DMAC2: variants seen among roughly 807,000 people sequenced by gnomAD.
DMAC2 encodes distal membrane-arm assembly complex protein 2.
A neutral mutation model predicts 29.6 loss-of-function variants in DMAC2; 32 were observed. The observed-to-expected ratio is 1.08, with a 90% confidence interval of 0.81 to 1.45. DMAC2 has a LOEUF of 1.45. Among genes scored for constraint, DMAC2 ranks in the 40% most tolerant of loss-of-function variants. The pLI is 0.00. For synonymous variants in DMAC2, 133 were observed against 137.4 expected (o/e 0.97, Z 0.23); for missense variants, 319 against 340.0 (o/e 0.94, Z 0.49).
At chr19:41,436,804 T>A (rs76078564) in intron 2 of DMAC2, among the ~76,000 whole-genome samples, 4,860 of 152,036 alleles carry the variant, frequency 0.032, 241 homozygotes, top group African/African-American at 0.11. Flanking sequence ...CTGTGAGGGC[T>A]AGGGAGCAGA....
At chr19:41,433,144 T>C (rs2039662546) in intron 5 of DMAC2, 128 bp downstream of exon 5, 6 of 1,012,708 alleles carry the variant, frequency 5.9e-6, no homozygotes, top group Non-Finnish European at 1.4e-6. Flanking sequence ...ATAAATACTC[T>C]AGGTTTGTGA....
At chr19:41,435,007 C>CAAA (rs200031507) in intron 3 of DMAC2, among the ~76,000 whole-genome samples, 4 of 135,206 alleles carry the variant, frequency 3.0e-5, no homozygotes, top group Non-Finnish European at 4.8e-5. Flanking sequence ...ACTCTTGTCT[C>CAAA]AAAAAAAAAA....
rs556471702 is a variant in DMAC2 at position 41,433,079 on chromosome 19, G to A, written c.596+193C>T. The A allele has an allele frequency of 6.2e-6, 4 of 640,858 alleles. No individual in the cohort carries two copies. In the East Asian group the frequency reaches 1.2e-4, roughly 19 times the overall value. 39.7% of individuals were successfully genotyped at this position (640,858 alleles called of 1,614,324 possible). ...CAGTTTTGACTAAAACAAAAAGGAA[G>A]AAAACCAGGAGTCATTTAATTCTTC... On this transcript the variant is annotated intron_variant, in intron 5 of 5. Coordinates refer to ENST00000221943, the MANE Select transcript of DMAC2 (RefSeq NM_018035.3).
chr19:41,437,187 G>A (rs895345979), intron 2 of DMAC2, among the ~76,000 whole-genome samples: 32 of 152,102 alleles, frequency 2.1e-4, no homozygotes, highest in Admixed American at 1.7e-3. Context: ...ATCATCTGAG[G>A]TCAGGATTTC....
intron 3 of DMAC2, among the ~76,000 whole-genome samples, chr19:41,434,179 G>A (rs1164762748): frequency 9.2e-5 from 14 of 151,998 alleles, no homozygotes; most frequent in Non-Finnish European, 1.5e-4. Context: ...AGCTTGCAGT[G>A]AGCCGAGATC....
rs2039543048 is a variant in DMAC2 at position 41,432,177 on chromosome 19, A to G, written c.*54T>C. On this transcript the variant is annotated 3_prime_UTR_variant, in exon 6 of 6. Transcript: ENST00000221943. The stretch of plus-strand genomic sequence containing the variant: ...GAAGCCAGAAGTGTGGTGAGCTACC[A>G]GACATTCCATGCAGCCCGCTGAGAA... 1 of 1,571,184 alleles carries G rather than the reference A, an allele frequency of 6.4e-7. No individual in the cohort carries two copies. The highest frequency in any genetic ancestry group is 1.2e-5 in the South Asian group (1 of 86,514).
Position 41,432,248 on chromosome 19 carries a change from TGGCTGTGTC to T in DMAC2, c.748_756del (p.Asp250_Ala252del), listed in dbSNP as rs782010766. On this transcript the variant is annotated inframe_deletion, in exon 6 of 6. Transcript: ENST00000221943. ...GCTAAAGGCTAGGCAGGGACAGGGC[TGGCTGTGTC>T]CCGAGGCTGCTCCTCCGGCCCTGAC... The T allele has an allele frequency of 6.2e-7, 1 of 1,613,952 alleles. No homozygotes were observed. Among genetic ancestry groups the T allele is most frequent in the South Asian group, 1.1e-5 (1 of 91,080 alleles).
At position 41,431,952 on chromosome 19, in the gene DMAC2, T is replaced by C. The variant is rs1207256922; in HGVS notation, c.*279A>G. The C allele has an allele frequency of 3.3e-5, 17 of 508,392 alleles. No homozygotes were observed. The highest frequency in any genetic ancestry group is 6.0e-5 in the Non-Finnish European group (17 of 281,338). 31.5% of individuals were successfully genotyped at this position (508,392 alleles called of 1,614,324 possible). On this transcript the variant is annotated 3_prime_UTR_variant, in exon 6 of 6. Transcript: ENST00000221943. The stretch of plus-strand genomic sequence containing the variant: ...GAGAAGAGTCTCCTGACAAGGTGAG[T>C]GTGGCTCTCTGCGGCTACTAACAGC...
chr19:41,433,246 T>C, intron 5 of DMAC2, 26 bp downstream of exon 5: 1 of 1,586,122 alleles, frequency 6.3e-7, no homozygotes, highest in Non-Finnish European at 8.6e-7. Flanking sequence ...CCTGGGCATG[T>C]GGCCCAGCCT....
chr19:41,432,349 T>G lies in DMAC2; in HGVS notation c.656A>C (p.Gln219Pro). The change falls in exon 6 of 6, where the codon CAG (glutamine) becomes CCG (proline). Residue 219 changes from glutamine (Q) to proline (P), a missense_variant. Coordinates refer to ENST00000221943, the MANE Select transcript of DMAC2 (RefSeq NM_018035.3). ...GGGCAGCATCTCCTCCACCAATATC[T>G]GAGTGAGGCCAGGGTTGGACACGGC... ...LPAVSNPGLT[Q>P]ILVEEMLPNC... is the part of the protein sequence containing the mutation. 6.2e-7 allele frequency: 1 copy of G among 1,614,078 alleles called. No homozygotes were observed.
At chr19:41,432,568 CGTGTGTGT>C (rs149102482) in intron 5 of DMAC2, 160 bp from the exon 6 acceptor site, 60 of 520,088 alleles carry the variant, frequency 1.2e-4, no homozygotes, top group African/African-American at 8.6e-4. Context: ...ACAGTGTGTG[CGTGTGTGT>C]GTGTGTGTGT....
rs1363672664 is a variant in DMAC2 at position 41,431,473 on chromosome 19, G to A, written c.*758C>T. The stretch of plus-strand genomic sequence containing the variant: ...CCCAGAGAGGTGCCTCAGTGGAGGC[G>A]CTGTGTCTCCTACGCAACTTCTGAG... On this transcript the variant is annotated 3_prime_UTR_variant, in exon 6 of 6. Transcript: ENST00000221943. 1.1e-5 allele frequency: 4 copies of A among 372,658 alleles called. No individual in the cohort carries two copies. The highest frequency in any genetic ancestry group is 3.4e-5 in the Admixed American group (1 of 29,850). The allele number at this position is 372,658 out of a possible 1,614,324, so 23.1% of individuals were successfully genotyped here.
chr19:41,432,113 G>T lies in DMAC2; in HGVS notation c.*118C>A. 8.3e-7 allele frequency: 1 copy of T among 1,204,358 alleles called. No individual in the cohort carries two copies. Among genetic ancestry groups the T allele is most frequent in the Non-Finnish European group, 1.2e-6 (1 of 850,730 alleles). 74.6% of individuals were successfully genotyped at this position (1,204,358 alleles called of 1,614,324 possible). On this transcript the variant is annotated 3_prime_UTR_variant, in exon 6 of 6. Transcript: ENST00000221943. Reference sequence around the variant, plus strand: ...TCACGCTCTCTCCTGTGATTGGCCAGCACCACTCCCCCACCCTGACGTTGA... The same window carrying T: ...TCACGCTCTCTCCTGTGATTGGCCATCACCACTCCCCCACCCTGACGTTGA...
rs1219106162 is a variant in DMAC2, at chr19:41,431,567, A to G, written c.*664T>C. The G allele has an allele frequency of 3.0e-6, 1 of 337,436 alleles. No homozygotes were observed. The highest frequency in any genetic ancestry group is 8.0e-5 in the East Asian group (1 of 12,544). 20.9% of individuals were successfully genotyped at this position (337,436 alleles called of 1,614,324 possible). ...AGGAGCTGGGTGCTGGGGAAGCCAC[A>G]TGCACTGCGGCGTCCAGAGGCAGAA... On this transcript the variant is annotated 3_prime_UTR_variant, in exon 6 of 6. Coordinates refer to ENST00000221943, the MANE Select transcript of DMAC2 (RefSeq NM_018035.3).
rs377113375 is a variant in DMAC2 at position 41,436,534 on chromosome 19, C to T, written c.216-62G>A. The T allele has an allele frequency of 1.3e-4, 182 of 1,376,480 alleles. No homozygotes were observed. The African/African-American group carries it at 2.0e-3, about 15-fold the overall frequency. The allele number at this position is 1,376,480 out of a possible 1,614,324, so 85.3% of individuals were successfully genotyped here. On this transcript the variant is annotated intron_variant, in intron 2 of 5. Coordinates refer to ENST00000221943, the MANE Select transcript of DMAC2 (RefSeq NM_018035.3). The stretch of plus-strand genomic sequence containing the variant: ...GAGCACCACAGCCCTCACGATGCCC[C>T]AGTGCTGTTAAGAGGGGCAGAGTCC...
chr19:41,433,971 C>A (rs11879294), intron 3 of DMAC2, among the ~76,000 whole-genome samples: 4,819 of 152,152 alleles, frequency 0.032, 157 homozygotes, highest in African/African-American at 0.077. Context: ...CGGTGGCTCA[C>A]GCCTGTAATC....
chr19:41,437,411 A>T (rs927693238), intron 2 of DMAC2, among the ~76,000 whole-genome samples: 2 of 136,994 alleles, frequency 1.5e-5, no homozygotes, highest in Admixed American at 1.5e-4. Flanking sequence ...AAACAAAACA[A>T]ATTTTGGCGG....
At chr19:41,435,648 C>T (rs539986066) in intron 3 of DMAC2, among the ~76,000 whole-genome samples, 2 of 152,022 alleles carry the variant, frequency 1.3e-5, no homozygotes, top group Non-Finnish European at 2.9e-5. Context: ...TCACTGTAGC[C>T]TCCTGGACTG....
At chr19:41,438,472 G>GT in intron 1 of DMAC2, 58 bp from the exon 2 acceptor site, 2 of 1,435,522 alleles carry the variant, frequency 1.4e-6, no homozygotes, top group South Asian at 2.6e-5. Flanking sequence ...ACACAGAGCT[G>GT]GATCCCCCAG....
Sources: allele counts gnomAD v4.1 joint callset (sites outside exome capture counted in the v4.1 genomes callset), GRCh38; gene constraint gnomAD v4.1.1; transcripts MANE v1.5; gene names NCBI Gene and HGNC (gene_info 2026-07-23, HGNC 2026-07-21).